GRID2: variants seen among roughly 807,000 people sequenced by gnomAD.
GRID2 encodes glutamate receptor ionotropic, delta-2.
In GRID2, 33 loss-of-function variants were observed where a neutral mutation model predicts 114.8. The observed-to-expected ratio is 0.29, with a 90% CI of 0.22 to 0.38. The LOEUF (loss-of-function observed/expected upper bound fraction) is 0.38, where lower values mean the gene tolerates loss of function less well. GRID2 is among the 10% of genes least tolerant of loss of function. The pLI is 1.00. For synonymous variants in GRID2, 505 were observed against 449.9 expected, an observed-to-expected ratio of 1.12 and a Z score of -1.55; for missense variants, 1,184 against 1,257.7, an observed-to-expected ratio of 0.94 and a Z score of 0.89.
At chr4:93,600,024 G>A (rs1440391895) in intron 13 of GRID2, among the ~76,000 whole-genome samples, 1 of 152,158 alleles carries the variant, frequency 6.6e-6, no homozygotes, top group Admixed American at 6.6e-5. Context: ...CGGCTAGAAG[G>A]CCCAAGATTT....
intron 1 of GRID2, among the ~76,000 whole-genome samples, chr4:92,542,878 A>G (rs1363477595): frequency 1.3e-5 from 2 of 152,172 alleles, no homozygotes; most frequent in Non-Finnish European, 2.9e-5. Flanking sequence ...TGTGGGTTCT[A>G]GTAGACCCTG....
At position 93,060,498 on chromosome 4, in the gene GRID2, C is replaced by A. The variant is rs1056160856; in HGVS notation, c.245-24497C>A. ...AGTCACATATTTTAAATGCTAGTAT[C>A]AGCTTCTGTAGGAAAACATAATTAT... On this transcript the variant is annotated intron_variant, in intron 2 of 15. Coordinates refer to ENST00000282020, the MANE Select transcript of GRID2 (RefSeq NM_001510.4). 2.0e-5 allele frequency among the ~76,000 whole-genome samples: 3 copies of A among 152,002 alleles called. No homozygotes were observed. In the South Asian group the frequency reaches 6.2e-4, roughly 32 times the overall value.
At chr4:93,316,291 C>CGAAAGAACGAAAGAAGGAAA (rs1282459325) in intron 8 of GRID2, among the ~76,000 whole-genome samples, 1 of 77,122 alleles carries the variant, frequency 1.3e-5, no homozygotes, top group Non-Finnish European at 2.5e-5. Flanking sequence ...AACGAAAGAA[C>CGAAAGAACGAAAGAAGGAAA]GAAAGAAAGA....
chr4:93,210,637 G>GTTTAAGGC (rs1362397907), intron 5 of GRID2, among the ~76,000 whole-genome samples: 1 of 151,986 alleles, frequency 6.6e-6, no homozygotes, highest in East Asian at 1.9e-4. Flanking sequence ...ATCACCCACT[G>GTTTAAGGC]TTTAAGGCTC....
At chr4:92,654,839 A>C (rs1732147483) in intron 2 of GRID2, among the ~76,000 whole-genome samples, 1 of 151,952 alleles carries the variant, frequency 6.6e-6, no homozygotes, top group Admixed American at 6.6e-5. Flanking sequence ...ATTTTCTCCC[A>C]TTGAAGATGT....
chr4:93,103,962 GTGTGTAGGTA>G (rs903851062), intron 3 of GRID2, among the ~76,000 whole-genome samples: 1 of 150,182 alleles, frequency 6.7e-6, no homozygotes, highest in African/African-American at 2.5e-5. Context: ...CAAGGGGAGT[GTGTGTAGGTA>G]TGTTACATGG....
intron 1 of GRID2, among the ~76,000 whole-genome samples, chr4:92,531,425 A>T (rs1410227665): frequency 6.6e-6 from 1 of 152,284 alleles, no homozygotes; most frequent in Non-Finnish European, 1.5e-5. Flanking sequence ...ACCAACAAAC[A>T]AAACATGGAG....
At chr4:92,383,730 CT>C (rs1418212195) in intron 1 of GRID2, among the ~76,000 whole-genome samples, 1 of 151,878 alleles carries the variant, frequency 6.6e-6, no homozygotes, top group Non-Finnish European at 1.5e-5. Flanking sequence ...GCTGGATTTA[CT>C]ACCTGAATTA....
intron 4 of GRID2, among the ~76,000 whole-genome samples, chr4:93,134,054 A>G (rs1364148464): frequency 6.6e-6 from 1 of 152,070 alleles, no homozygotes; most frequent in Non-Finnish European, 1.5e-5. Context: ...CTCCTAACTC[A>G]TCTCCCAGTT....
intron 2 of GRID2, among the ~76,000 whole-genome samples, chr4:92,597,331 G>A (rs1055738460): frequency 1.3e-5 from 2 of 151,990 alleles, no homozygotes; most frequent in African/African-American, 4.8e-5. Context: ...GTATTTGTAT[G>A]TCTTTCCCTT....
At chr4:92,717,430 C>T (rs151045743) in intron 2 of GRID2, among the ~76,000 whole-genome samples, 136 of 152,204 alleles carry the variant, frequency 8.9e-4, no homozygotes, top group African/African-American at 3.0e-3. Context: ...TTGTAGAGTA[C>T]AACAGGCTGA....
intron 1 of GRID2, among the ~76,000 whole-genome samples, chr4:92,482,156 TC>T (rs1269132870): frequency 1.3e-5 from 2 of 150,944 alleles, no homozygotes; most frequent in Non-Finnish European, 2.9e-5. Flanking sequence ...TGAAATCATG[TC>T]CTTTGTAGCA....
chr4:93,390,339 C>T (rs1375659774), intron 8 of GRID2, among the ~76,000 whole-genome samples: 1 of 151,792 alleles, frequency 6.6e-6, no homozygotes, highest in Non-Finnish European at 1.5e-5. Flanking sequence ...CTAAGTCACC[C>T]GAAAAATGAG....
chr4:92,495,563 G>A (rs1008692831), intron 1 of GRID2, among the ~76,000 whole-genome samples: 5 of 151,786 alleles, frequency 3.3e-5, no homozygotes, highest in African/African-American at 1.2e-4. Flanking sequence ...CAGAAATTAA[G>A]GGAACTAACA....
chr4:92,516,512 G>T (rs1724507654), intron 1 of GRID2, among the ~76,000 whole-genome samples: 1 of 151,798 alleles, frequency 6.6e-6, no homozygotes, highest in Admixed American at 6.6e-5. Context: ...TCATTTTAAT[G>T]ATATCAGATT....
intron 14 of GRID2, among the ~76,000 whole-genome samples, chr4:93,756,584 C>A (rs1476206224): frequency 6.6e-6 from 1 of 152,146 alleles, no homozygotes; most frequent in South Asian, 2.1e-4. Flanking sequence ...ATGATGGTGT[C>A]TCTTCTGATA....
At chr4:92,697,909 G>A (rs546097938) in intron 2 of GRID2, among the ~76,000 whole-genome samples, 2 of 152,010 alleles carry the variant, frequency 1.3e-5, no homozygotes, top group African/African-American at 4.8e-5. Context: ...GAAGTCTAAG[G>A]TGAAAAAATA....
chr4:92,597,369 T>A (rs1167693678), intron 2 of GRID2, among the ~76,000 whole-genome samples: 1 of 152,170 alleles, frequency 6.6e-6, no homozygotes, highest in Non-Finnish European at 1.5e-5. Flanking sequence ...ACTCTTGAAG[T>A]AACAGGTCTC....
chr4:92,754,551 G>A (rs926257024), intron 2 of GRID2, among the ~76,000 whole-genome samples: 1 of 152,112 alleles, frequency 6.6e-6, no homozygotes, highest in Non-Finnish European at 1.5e-5. Flanking sequence ...CGATCTCACC[G>A]TGGTGTTGTG....
Sources: allele counts gnomAD v4.1 joint callset (sites outside exome capture counted in the v4.1 genomes callset), GRCh38; gene constraint gnomAD v4.1.1; transcripts MANE v1.5; gene names NCBI Gene and HGNC (gene_info 2026-07-23, HGNC 2026-07-21).